Variants in RBFOX3 observed in about 807,000 individuals in gnomAD.
RBFOX3 encodes RNA binding fox-1 homolog 3.
Under a neutral mutation model 48.7 loss-of-function variants are expected in RBFOX3, and 17 were observed. That is an observed-to-expected ratio of 0.35 (90% CI 0.24 to 0.52). RBFOX3 has a LOEUF of 0.52. Among genes scored for constraint, RBFOX3 ranks in the 20% least tolerant of loss-of-function variants. The pLI is 0.94. For synonymous variants in RBFOX3, 212 were observed against 209.5 expected, an observed-to-expected ratio of 1.01 and a Z score of -0.10; for missense variants, 382 against 497.5, an observed-to-expected ratio of 0.77 and a Z score of 2.21.
chr17:79,197,450 A>C (rs2055866562), intron 4 of RBFOX3, among the ~76,000 whole-genome samples: 1 of 141,036 alleles, frequency 7.1e-6, no homozygotes, highest in African/African-American at 2.7e-5. Flanking sequence ...GTGCAGTGGC[A>C]TGATCTCGGC....
intron 3 of RBFOX3, among the ~76,000 whole-genome samples, chr17:79,289,823 T>C (rs1166649105): frequency 6.6e-6 from 1 of 152,252 alleles, no homozygotes; most frequent in African/African-American, 2.4e-5. Flanking sequence ...AGAACAGCTC[T>C]CTGGTGGCTT....
intron 2 of RBFOX3, among the ~76,000 whole-genome samples, chr17:79,332,201 G>C (rs2080417956): frequency 6.6e-6 from 1 of 152,196 alleles, no homozygotes. Context: ...GCTGCCGTCT[G>C]GGCTGGAATT....
At chr17:79,367,031 G>A (rs1390764484) in intron 2 of RBFOX3, among the ~76,000 whole-genome samples, 1 of 152,152 alleles carries the variant, frequency 6.6e-6, no homozygotes, top group Non-Finnish European at 1.5e-5. Context: ...CTACGCAGAG[G>A]TCTGCTGCAC....
chr17:79,162,517 T>C (rs374306445), intron 4 of RBFOX3, among the ~76,000 whole-genome samples: 3 of 152,252 alleles, frequency 2.0e-5, no homozygotes, highest in African/African-American at 4.8e-5. Flanking sequence ...GGCAGGAGCA[T>C]AATTTTTCCT....
chr17:79,242,972 C>T lies in RBFOX3; in HGVS notation c.-73-7167G>A, dbSNP rs145030774. Among the ~76,000 whole-genome samples, 1,667 of 152,266 alleles carry T rather than the reference C, an allele frequency of 0.011. 20 individuals are homozygous for T. Among genetic ancestry groups the T allele is most frequent in the South Asian group, 0.026 (127 of 4,816 alleles). On this transcript the variant is annotated intron_variant, in intron 3 of 14. Coordinates refer to ENST00000693108, the MANE Select transcript of RBFOX3 (RefSeq NM_001350451.2). This position sits in a 1 kb window ranked among gnomAD's most constrained non-coding sequence, Gnocchi z 5.8. ...CCTGCGTGGACACTGCTGTGGGCCC[C>T]GTGACAGCAGCATGCATGCCTAGCA...
chr17:79,388,157 C>T (rs990206939), intron 2 of RBFOX3, among the ~76,000 whole-genome samples: 1 of 152,168 alleles, frequency 6.6e-6, no homozygotes, highest in African/African-American at 2.4e-5. Flanking sequence ...TGTGTGTGTG[C>T]ATGTGTGTTA....
intron 4 of RBFOX3, among the ~76,000 whole-genome samples, chr17:79,155,501 A>C (rs1021890722): frequency 6.6e-6 from 1 of 152,244 alleles, no homozygotes; most frequent in African/African-American, 2.4e-5. Flanking sequence ...TTTTGTCTGC[A>C]TTCAGCCGAC....
intron 1 of RBFOX3, among the ~76,000 whole-genome samples, chr17:79,545,292 C>G (rs1392040433): frequency 2.6e-5 from 4 of 152,116 alleles, no homozygotes. Flanking sequence ...AGGAGCACGT[C>G]TACCAGGAAA....
chr17:79,163,302 G>A lies in RBFOX3; in HGVS notation c.-33-47554C>T, dbSNP rs558453194. 4.6e-5 allele frequency among the ~76,000 whole-genome samples: 7 copies of A among 152,332 alleles called. No individual in the cohort carries two copies. In the East Asian group the frequency reaches 1.2e-3, roughly 25 times the overall value. On this transcript the variant is annotated intron_variant, in intron 4 of 14. Transcript: ENST00000693108. ...CCCGCCTGGGGAAAGCCGCAGGCCC[G>A]GGGCCTCACGGCCTCAGTGTTCTGA...
intron 3 of RBFOX3, among the ~76,000 whole-genome samples, chr17:79,304,058 T>A (rs1040699982): frequency 6.6e-6 from 1 of 152,190 alleles, no homozygotes; most frequent in Admixed American, 6.5e-5. Context: ...TTGGAGTGTA[T>A]GTTTGCAGTC....
chr17:79,371,643 G>A (rs1042848141), intron 2 of RBFOX3, among the ~76,000 whole-genome samples: 1 of 152,176 alleles, frequency 6.6e-6, no homozygotes, highest in Non-Finnish European at 1.5e-5. Flanking sequence ...AACCAAATGT[G>A]GTGGGGGGAC....
intron 4 of RBFOX3, among the ~76,000 whole-genome samples, chr17:79,138,680 C>CCACA (rs2040895992): frequency 4.9e-5 from 4 of 81,296 alleles, no homozygotes; most frequent in African/African-American, 2.2e-4. Context: ...ACACCCTCAC[C>CCACA]CATACACATG....
intron 4 of RBFOX3, among the ~76,000 whole-genome samples, chr17:79,197,237 TTCTG>T (rs2055798297): frequency 1.4e-5 from 1 of 73,092 alleles, no homozygotes; most frequent in African/African-American, 6.6e-5. Context: ...ACATGCTGTT[TTCTG>T]TCTGTCTCTT....
chr17:79,417,014 T>C (rs2065481385), intron 2 of RBFOX3, among the ~76,000 whole-genome samples: 1 of 152,154 alleles, frequency 6.6e-6, no homozygotes, highest in African/African-American at 2.4e-5. Context: ...AGGGTTCGCA[T>C]GGCAGGGAGT....
intron 1 of RBFOX3, among the ~76,000 whole-genome samples, chr17:79,492,904 C>A (rs1423171682): frequency 6.6e-6 from 1 of 152,092 alleles, no homozygotes; most frequent in Non-Finnish European, 1.5e-5. Flanking sequence ...GGAGGAAGAG[C>A]CCTCAAAAGG....
the RBFOX3 span, among the ~76,000 whole-genome samples, chr17:79,620,185 G>A: frequency 3.3e-5 from 4 of 120,554 alleles, no homozygotes; most frequent in South Asian, 2.6e-4. Context: ...GCACACACAT[G>A]TGCACATGCA....
rs536834543 is a variant in RBFOX3 at position 79,333,307 on chromosome 17, C to T, written c.-174-25483G>A. The stretch of plus-strand genomic sequence containing the variant: ...TATTTTCATTAAAAGAAAAAAGTTG[C>T]CGAGCTGGCTTCTCCACACTGGCCT... On this transcript the variant is annotated intron_variant, in intron 2 of 14. Transcript: ENST00000693108. Among the ~76,000 whole-genome samples, 3 of 152,284 alleles carry T rather than the reference C, an allele frequency of 2.0e-5. No homozygotes were observed. In the South Asian group the frequency reaches 6.2e-4, roughly 32 times the overall value.
intron 2 of RBFOX3, among the ~76,000 whole-genome samples, chr17:79,412,616 ATG>A (rs956128492): frequency 2.6e-4 from 39 of 147,916 alleles, no homozygotes; most frequent in African/African-American, 9.0e-4. Context: ...GCATGGTGTT[ATG>A]TGTGTGTGAA....
chr17:79,139,226 C>T (rs975226858), intron 4 of RBFOX3, among the ~76,000 whole-genome samples: 1 of 152,042 alleles, frequency 6.6e-6, no homozygotes, highest in African/African-American at 2.4e-5. Flanking sequence ...ACCCTCCCCA[C>T]AAACACAGGG....
Sources: allele counts gnomAD v4.1 joint callset (sites outside exome capture counted in the v4.1 genomes callset), GRCh38; gene constraint gnomAD v4.1.1; non-coding constraint Gnocchi (gnomAD v3.1); transcripts MANE v1.5; gene names NCBI Gene and HGNC (gene_info 2026-07-23, HGNC 2026-07-21).